Variants in KCNMA1 observed in about 807,000 individuals in gnomAD.
The protein encoded by KCNMA1 is potassium calcium-activated channel subfamily M alpha 1, also known as Calcium-activated potassium channel subunit alpha-1.
A neutral mutation model predicts 140.0 loss-of-function variants in KCNMA1; 29 were observed. The ratio of observed to expected loss-of-function variants is 0.21; its 90% CI spans 0.15 to 0.28. The LOEUF (loss-of-function observed/expected upper bound fraction) is 0.28, where lower values mean the gene tolerates loss of function less well. Ranked by LOEUF, KCNMA1 falls within the 10% of genes least tolerant of loss-of-function variation. The pLI is 1.00. For missense variants in KCNMA1, 880 were observed against 1,602.2 expected (o/e 0.55, Z 7.70); for synonymous variants, 612 against 611.9 (o/e 1.00, Z 0.00).
intron 1 of KCNMA1, among the ~76,000 whole-genome samples, chr10:77,452,146 G>A (rs1245851176): frequency 6.6e-6 from 1 of 152,192 alleles, no homozygotes; most frequent in Non-Finnish European, 1.5e-5. Flanking sequence ...CCTCTGGAAG[G>A]AGGAAGGAAT....
At chr10:77,508,418 C>CAA (rs2046962164) in intron 1 of KCNMA1, among the ~76,000 whole-genome samples, 1 of 150,186 alleles carries the variant, frequency 6.7e-6, no homozygotes, top group African/African-American at 2.5e-5. Flanking sequence ...CTCCTAGGCT[C>CAA]AAGCAGTCTG....
chr10:77,032,464 C>CATTT (rs1292283535), intron 15 of KCNMA1, among the ~76,000 whole-genome samples: 6 of 152,048 alleles, frequency 3.9e-5, no homozygotes, highest in Non-Finnish European at 7.4e-5. Flanking sequence ...TAAAATCAGC[C>CATTT]ATAAGCTAGC....
At chr10:77,599,457 T>C (rs945948515) in intron 1 of KCNMA1, among the ~76,000 whole-genome samples, 3 of 152,184 alleles carry the variant, frequency 2.0e-5, no homozygotes, top group Admixed American at 6.5e-5. Context: ...TGGTTTTCTC[T>C]TGTGGTATTG....
chr10:76,950,419 C>A (rs899037240), intron 21 of KCNMA1, among the ~76,000 whole-genome samples: 5 of 152,218 alleles, frequency 3.3e-5, no homozygotes, highest in African/African-American at 1.2e-4. Context: ...AGAACACAGT[C>A]ACTCTATTAG....
At chr10:77,120,591 C>T (rs1395267421) in intron 6 of KCNMA1, among the ~76,000 whole-genome samples, 2 of 152,082 alleles carry the variant, frequency 1.3e-5, no homozygotes, top group Non-Finnish European at 2.9e-5. Context: ...AATAAAGGGG[C>T]GATTTAGAAT....
At chr10:77,002,193 C>T (rs949174402) in intron 18 of KCNMA1, among the ~76,000 whole-genome samples, 4 of 152,112 alleles carry the variant, frequency 2.6e-5, no homozygotes, top group African/African-American at 9.7e-5. Context: ...ATGATGGCTA[C>T]AGGAATTTAA....
At chr10:76,956,133 G>T (rs2068184110) in intron 20 of KCNMA1, among the ~76,000 whole-genome samples, 1 of 152,160 alleles carries the variant, frequency 6.6e-6, no homozygotes, top group African/African-American at 2.4e-5. Flanking sequence ...ATTTTGGTTT[G>T]GTATACTTGA....
intron 18 of KCNMA1, 38 bp downstream of exon 18, chr10:77,011,929 T>C: frequency 6.5e-7 from 1 of 1,536,160 alleles, no homozygotes; most frequent in Non-Finnish European, 9.0e-7. Flanking sequence ...GGAATAGGAA[T>C]GAGAAAGGGA....
chr10:77,026,068 T>C (rs927115515), intron 16 of KCNMA1, among the ~76,000 whole-genome samples: 3 of 151,670 alleles, frequency 2.0e-5, no homozygotes, highest in Non-Finnish European at 4.4e-5. Context: ...ATCTCAGAAT[T>C]GTGACTCAAT....
intron 23 of KCNMA1, among the ~76,000 whole-genome samples, chr10:76,928,283 G>GCA (rs2058307777): frequency 2.4e-5 from 2 of 82,614 alleles, no homozygotes; most frequent in South Asian, 9.7e-4. Flanking sequence ...ACACGAACAC[G>GCA]CGCGCGCACA....
chr10:77,367,848 T>C (rs1052937565), intron 2 of KCNMA1, among the ~76,000 whole-genome samples: 4 of 152,252 alleles, frequency 2.6e-5, no homozygotes, highest in Admixed American at 6.5e-5. Flanking sequence ...CAAAATGTTG[T>C]TGAGATTCAT....
At chr10:77,480,448 T>C (rs2098368943) in intron 1 of KCNMA1, among the ~76,000 whole-genome samples, 1 of 152,240 alleles carries the variant, frequency 6.6e-6, no homozygotes, top group Admixed American at 6.5e-5. Flanking sequence ...GAGCTGATCT[T>C]CTTCCAGCTG....
At chr10:77,254,571 C>T (rs543000335) in intron 2 of KCNMA1, among the ~76,000 whole-genome samples, 3 of 152,190 alleles carry the variant, frequency 2.0e-5, no homozygotes, top group African/African-American at 7.2e-5. Flanking sequence ...TAATCCCATG[C>T]TATTATGCAA....
At chr10:77,338,317 G>A (rs1031975917) in intron 2 of KCNMA1, among the ~76,000 whole-genome samples, 1 of 147,060 alleles carries the variant, frequency 6.8e-6, no homozygotes, top group Non-Finnish European at 1.5e-5. Flanking sequence ...TTCTGGAAAT[G>A]GTGCTAAGTA....
chr10:77,438,219 A>T (rs2097303721), intron 1 of KCNMA1, among the ~76,000 whole-genome samples: 1 of 152,052 alleles, frequency 6.6e-6, no homozygotes, highest in Admixed American at 6.6e-5. Flanking sequence ...CCGCCACACC[A>T]GAAGAAAACT....
intron 25 of KCNMA1, among the ~76,000 whole-genome samples, chr10:76,894,534 G>GA (rs2041659441): frequency 1.3e-5 from 2 of 151,942 alleles, no homozygotes; most frequent in African/African-American, 2.4e-5. Flanking sequence ...TCCAAAAAGT[G>GA]AAAAAAACAA....
intron 2 of KCNMA1, among the ~76,000 whole-genome samples, chr10:77,277,388 G>A (rs1232011891): frequency 6.6e-6 from 1 of 152,138 alleles, no homozygotes; most frequent in African/African-American, 2.4e-5. Context: ...AGGATTGAGG[G>A]CACTGTCCAG....
intron 3 of KCNMA1, among the ~76,000 whole-genome samples, chr10:77,207,035 T>C (rs2044373042): frequency 6.6e-6 from 1 of 152,188 alleles, no homozygotes; most frequent in East Asian, 1.9e-4. Flanking sequence ...ATATAATATA[T>C]GCACCTGGAA....
In KCNMA1 at chr10:76,943,789, G is replaced by A. The variant is rs116882796; in HGVS notation, c.2902+984C>T. 6.3e-4 allele frequency among the ~76,000 whole-genome samples: 96 copies of A among 152,296 alleles called. 1 individual carries two copies. In the East Asian group the frequency reaches 0.015, roughly 24 times the overall value. On this transcript the variant is annotated intron_variant, in intron 23 of 27. Coordinates refer to ENST00000286628, the MANE Select transcript of KCNMA1 (RefSeq NM_001161352.2). Reference sequence around the variant, plus strand: ...TGACAAAAAATAATGTAGCTCACAGGTCCAGGATGCATGATTCAGCTGAGC... The same window carrying A: ...TGACAAAAAATAATGTAGCTCACAGATCCAGGATGCATGATTCAGCTGAGC...
Sources: gnomAD v4.1 joint callset for allele counts (sites outside exome capture counted in the v4.1 genomes callset) on GRCh38, gnomAD v4.1.1 for gene constraint, MANE v1.5 for transcripts, NCBI Gene and HGNC (gene_info 2026-07-23, HGNC 2026-07-21) for gene names.